Variants in COL14A1 observed in about 807,000 individuals in gnomAD.
COL14A1 encodes the protein collagen type XIV alpha 1 chain.
In COL14A1, 136 loss-of-function variants were observed where a neutral mutation model predicts 230.3. The ratio of observed to expected loss-of-function variants is 0.59; its 90% confidence interval spans 0.51 to 0.68. COL14A1 has a LOEUF of 0.68. Ranked by LOEUF, COL14A1 falls within the 30% of genes least tolerant of loss-of-function variation. COL14A1 has a pLI of 0.00. For synonymous variants in COL14A1, 792 were observed against 784.1 expected, an observed-to-expected ratio of 1.01 and a Z score of -0.17; for missense variants, 1,976 against 2,215.8, an observed-to-expected ratio of 0.89 and a Z score of 2.17.
At chr8:120,144,230 AG>A (rs1490323373) in intron 1 of COL14A1, among the ~76,000 whole-genome samples, 2 of 152,208 alleles carry the variant, frequency 1.3e-5, no homozygotes, top group Non-Finnish European at 2.9e-5. Context: ...GCTCAAATGT[AG>A]TATCATTATT....
At chr8:120,239,592 T>C (rs559970211) in intron 19 of COL14A1, among the ~76,000 whole-genome samples, 5 of 152,334 alleles carry the variant, frequency 3.3e-5, no homozygotes, top group African/African-American at 4.8e-5. Context: ...GAAAAGTTAA[T>C]GGATTCTTAA....
chr8:120,355,604 G>C (rs1223092938), intron 45 of COL14A1, among the ~76,000 whole-genome samples: 1 of 151,772 alleles, frequency 6.6e-6, no homozygotes, highest in Non-Finnish European at 1.5e-5. Context: ...GTAGAGACGG[G>C]GTTTCACCAT....
chr8:120,290,857 A>G (rs772686764), intron 34 of COL14A1, among the ~76,000 whole-genome samples: 14 of 152,202 alleles, frequency 9.2e-5, no homozygotes, highest in Non-Finnish European at 1.9e-4. Flanking sequence ...CCCCTTATGT[A>G]TAGGGGGACA....
chr8:120,209,798 C>T lies in COL14A1; in HGVS notation c.1364C>T (p.Thr455Ile). ...MASDLLLYDVTENSMRVKWDA... is the reference protein window; with the variant it reads ...MASDLLLYDVIENSMRVKWDA... ...TCTGACCTTCTACTGTACGACGTGA[C>T]TGAGAACAGCATGCGAGTCAAATGG... The change falls in exon 12 of 48, where the codon ACT becomes ATT. Residue 455 changes from threonine (T) to isoleucine (I), a missense_variant. By Grantham distance (89) the Thr-to-Ile change is moderately conservative. Coordinates refer to ENST00000297848, the MANE Select transcript of COL14A1 (RefSeq NM_021110.4). 1 of 1,613,792 alleles carries T rather than the reference C, an allele frequency of 6.2e-7. No homozygotes were observed. The highest frequency in any genetic ancestry group is 1.1e-5 in the South Asian group (1 of 91,054).
intron 45 of COL14A1, among the ~76,000 whole-genome samples, chr8:120,353,995 T>A (rs1822875710): frequency 7.6e-6 from 1 of 131,444 alleles, no homozygotes; most frequent in Non-Finnish European, 1.6e-5. Context: ...CCAACCCAAA[T>A]GTCCAACAAT....
At chr8:120,285,784 G>A in intron 32 of COL14A1, 77 bp from the exon 33 acceptor site, 1 of 921,174 alleles carries the variant, frequency 1.1e-6, no homozygotes. Context: ...GCATTGTTTT[G>A]TTTTGAGTTG....
At chr8:120,219,389 G>A (rs1196747112) in intron 14 of COL14A1, among the ~76,000 whole-genome samples, 1 of 152,156 alleles carries the variant, frequency 6.6e-6, no homozygotes, top group Non-Finnish European at 1.5e-5. Context: ...TAGGAGTGAG[G>A]CACTGTGCCC....
At chr8:120,277,222 G>T (rs553016223) in intron 26 of COL14A1, among the ~76,000 whole-genome samples, 1 of 152,234 alleles carries the variant, frequency 6.6e-6, no homozygotes, top group East Asian at 1.9e-4. Flanking sequence ...CTTGTGATGT[G>T]CAAGTAACTT....
intron 5 of COL14A1, among the ~76,000 whole-genome samples, chr8:120,171,001 T>C (rs1022712536): frequency 6.6e-6 from 1 of 152,212 alleles, no homozygotes; most frequent in Non-Finnish European, 1.5e-5. Flanking sequence ...TTGATGTTAC[T>C]GATAATTTTG....
chr8:120,324,579 C>T lies in COL14A1; in HGVS notation c.4660-7562C>T, dbSNP rs554129962. ...ATGCCACAGGGTTGAAATTGTGCAACGAGGGTTTCTTCAAGCATATCTCTA... is the reference window on the plus strand; with the variant it reads ...ATGCCACAGGGTTGAAATTGTGCAATGAGGGTTTCTTCAAGCATATCTCTA... On this transcript the variant is annotated intron_variant, in intron 40 of 47. Coordinates refer to ENST00000297848, the MANE Select transcript of COL14A1 (RefSeq NM_021110.4). Among the ~76,000 whole-genome samples the T allele has an allele frequency of 9.9e-5, 15 of 152,216 alleles. No homozygotes were observed. The South Asian group carries it at 2.3e-3, about 23-fold the overall frequency.
chr8:120,143,862 A>G (rs551695920), intron 1 of COL14A1, among the ~76,000 whole-genome samples: 32 of 151,934 alleles, frequency 2.1e-4, no homozygotes, highest in Non-Finnish European at 3.8e-4. Context: ...GTGACTTAAA[A>G]TATCATTGTA....
chr8:120,229,052 C>A (rs1386048996), intron 18 of COL14A1, among the ~76,000 whole-genome samples: 1 of 151,414 alleles, frequency 6.6e-6, no homozygotes, highest in African/African-American at 2.4e-5. Flanking sequence ...AACGTAGCTG[C>A]CTCCCCAGGG....
intron 5 of COL14A1, among the ~76,000 whole-genome samples, chr8:120,168,942 G>A (rs149782800): frequency 3.9e-3 from 587 of 152,042 alleles, no homozygotes; most frequent in Non-Finnish European, 4.9e-3. Context: ...TGCAACCTCC[G>A]CCTCCTGGGT....
chr8:120,212,655 A>G (rs1040097130), intron 13 of COL14A1, 78 bp downstream of exon 13: 17 of 1,534,068 alleles, frequency 1.1e-5, no homozygotes, highest in Admixed American at 5.4e-5. Flanking sequence ...TGGAACTACT[A>G]GTTTTGTTGA....
chr8:120,337,521 A>G (rs980185860), intron 42 of COL14A1, among the ~76,000 whole-genome samples: 1 of 152,188 alleles, frequency 6.6e-6, no homozygotes, highest in Non-Finnish European at 1.5e-5. Flanking sequence ...GGGTCAGGTC[A>G]TGGAAGACGT....
Position 120,264,551 on chromosome 8 carries a change from CT to C in COL14A1, c.3016+1541del, listed in dbSNP as rs542044209. 1.6e-4 allele frequency among the ~76,000 whole-genome samples: 24 copies of C among 152,250 alleles called. No homozygotes were observed. In the East Asian group the frequency reaches 4.4e-3, roughly 28 times the overall value. On this transcript the variant is annotated intron_variant, in intron 24 of 47. Transcript: ENST00000297848. ...CAATAAAAGAATACTCATTGAAGAGCTTTTCAACCCATATGTCATCTAGCAA... is the reference window on the plus strand; with the variant it reads ...CAATAAAAGAATACTCATTGAAGAGCTTTCAACCCATATGTCATCTAGCAA...
chr8:120,186,017 C>T (rs533623893), intron 5 of COL14A1, among the ~76,000 whole-genome samples: 11 of 152,276 alleles, frequency 7.2e-5, no homozygotes, highest in African/African-American at 2.4e-4. Flanking sequence ...AGGTGATCCA[C>T]CCACCTCAGC....
In COL14A1 at chr8:120,147,924, G is replaced by A; in HGVS notation, c.82G>A (p.Gly28Ser). ...AIVYFCTIVQ[G>S]QVAPPTRLRY... is the part of the protein sequence containing the mutation. ...TGTTTATTTCTGCACCATTGTCCAA[G>A]GTCAAGGTAATTGAAAACTTTGAGA... The change falls in exon 2 of 48, where the codon GGT (glycine) becomes AGT (serine). Residue 28 changes from glycine to serine, a missense_variant. Gly to Ser is a moderately conservative substitution (Grantham distance 56). This residue lies in a region of COL14A1 where 181 missense variants were observed against 178.6 expected (regional missense o/e 1.01). Coordinates refer to ENST00000297848, the MANE Select transcript of COL14A1 (RefSeq NM_021110.4). 1 of 1,612,672 alleles carries A rather than the reference G, an allele frequency of 6.2e-7. No homozygotes were observed. Among genetic ancestry groups the A allele is most frequent in the South Asian group, 1.1e-5 (1 of 91,012 alleles).
Position 120,270,656 on chromosome 8 carries a change from C to T in COL14A1, c.3213+482C>T, listed in dbSNP as rs145820182. Among the ~76,000 whole-genome samples, 259 of 151,658 alleles carry T rather than the reference C, an allele frequency of 1.7e-3. 1 individual carries two copies. Among genetic ancestry groups the T allele is most frequent in the African/African-American group, 6.1e-3 (251 of 41,434 alleles). ...TCAATGTCTCTAATTTTGTGGGGCT[C>T]ATATTCTTAAAAGTAAGGACAGAAG... On this transcript the variant is annotated intron_variant, in intron 26 of 47. Transcript: ENST00000297848.
Sources: gnomAD v4.1 joint callset for allele counts (sites outside exome capture counted in the v4.1 genomes callset) on GRCh38, gnomAD v4.1.1 for gene constraint, gnomAD v4.1.1 regional missense constraint, MANE v1.5 for transcripts, NCBI Gene and HGNC (gene_info 2026-07-23, HGNC 2026-07-21) for gene names.